PFKP: variants seen among roughly 807,000 people sequenced by gnomAD.
PFKP encodes the protein ATP-dependent 6-phosphofructokinase, platelet type.
A neutral mutation model predicts 94.3 loss-of-function variants in PFKP; 101 were observed. That is an observed-to-expected ratio of 1.07 (90% CI 0.91 to 1.26). PFKP has a LOEUF of 1.26. PFKP is among the 50% of genes most tolerant of loss of function. PFKP has a pLI of 0.00. For synonymous variants in PFKP, 573 were observed against 432.6 expected, an observed-to-expected ratio of 1.32 and a Z score of -4.03; for missense variants, 1,145 against 1,103.3, an observed-to-expected ratio of 1.04 and a Z score of -0.53.
At chr10:3,096,042 T>C (rs531066533) in intron 2 of PFKP, among the ~76,000 whole-genome samples, 78 of 152,048 alleles carry the variant, frequency 5.1e-4, no homozygotes, top group Non-Finnish European at 6.6e-4. Context: ...TTCAAAATGT[T>C]GTGGTTTGCA....
chr10:3,135,724 A>C lies in PFKP; in HGVS notation c.2123-12A>C, dbSNP rs1839190045. The C allele has an allele frequency of 6.4e-7, 1 of 1,556,478 alleles. No homozygotes were observed. On this transcript the variant is annotated splice_polypyrimidine_tract_variant and intron_variant, in intron 20 of 21. Transcript: ENST00000381125. ...ACAGGGTGTTATTAATCTTTTTTAA[A>C]ATCTTTTATAGGAAAAAAATTTACC...
At position 3,101,280 on chromosome 10, in the gene PFKP, C is replaced by T. The variant is rs774206842; in HGVS notation, c.265-85C>T. On this transcript the variant is annotated intron_variant, in intron 3 of 21. Transcript: ENST00000381125. ...TGAGAAAAATGTAAATTCTAGCACC[C>T]CATGTTTATAGTCGGCCTGTGTGTG... 306 of 1,097,380 alleles carry T rather than the reference C, an allele frequency of 2.8e-4. 4 individuals carry two copies. The highest frequency in any genetic ancestry group is 3.4e-5 in the Non-Finnish European group (26 of 764,618). The allele number at this position is 1,097,380 out of a possible 1,614,324, so 68.0% of individuals were successfully genotyped here. A position where few individuals can be genotyped will look rare whatever the true frequency, so the allele number is the denominator to read the frequency against.
At chr10:3,108,941 C>A in intron 9 of PFKP, 148 bp downstream of exon 9, 1 of 662,798 alleles carries the variant, frequency 1.5e-6, no homozygotes, top group African/African-American at 1.8e-5. Flanking sequence ...ATCCTTGAGA[C>A]CTTTGGTGTA....
intron 15 of PFKP, 127 bp downstream of exon 15, chr10:3,118,996 C>A: frequency 1.5e-6 from 1 of 666,744 alleles, no homozygotes; most frequent in Non-Finnish European, 2.6e-6. Context: ...CCAGCGGCCA[C>A]TGGAGAATTG....
intron 13 of PFKP, 124 bp from the exon 14 acceptor site, chr10:3,116,652 C>T (rs1290543418): frequency 1.9e-5 from 14 of 754,114 alleles, no homozygotes; most frequent in Non-Finnish European, 3.4e-5. Flanking sequence ...AATGCTGTCT[C>T]ATACGCCTCT....
rs552312218 is a variant in PFKP, at chr10:3,077,562, G to A, written c.113-4826G>A. On this transcript the variant is annotated intron_variant, in intron 1 of 21. Transcript: ENST00000381125. ...ATTACAGGCATGAGGCATCGTGCCT[G>A]GCCTATTCCTTACTTTTTAAAAAAA... 1.1e-4 allele frequency among the ~76,000 whole-genome samples: 16 copies of A among 150,822 alleles called. No homozygotes were observed. In the South Asian group the frequency reaches 1.7e-3, roughly 16 times the overall value.
chr10:3,113,040 A>T, intron 11 of PFKP, 79 bp from the exon 12 acceptor site: 1 of 1,290,624 alleles, frequency 7.7e-7, no homozygotes, highest in Non-Finnish European at 1.1e-6. Flanking sequence ...GCTGGCAGAT[A>T]AGCCACCTTT....
intron 11 of PFKP, among the ~76,000 whole-genome samples, chr10:3,112,653 G>A (rs1408662626): frequency 6.6e-6 from 1 of 152,192 alleles, no homozygotes. Flanking sequence ...TGCCTCCCAT[G>A]TTCAAGCAAT....
intron 16 of PFKP, among the ~76,000 whole-genome samples, chr10:3,123,038 CCT>C (rs1050964263): frequency 1.9e-4 from 29 of 152,182 alleles, no homozygotes; most frequent in African/African-American, 5.8e-4. Context: ...GCGTCCTCGT[CCT>C]CTCTCATGAT....
At chr10:3,098,075 A>G (rs553975618) in intron 2 of PFKP, among the ~76,000 whole-genome samples, 3 of 152,310 alleles carry the variant, frequency 2.0e-5, no homozygotes, top group African/African-American at 7.2e-5. Flanking sequence ...AAATATAAGT[A>G]TACAAATTGG....
intron 2 of PFKP, among the ~76,000 whole-genome samples, chr10:3,084,864 TC>T (rs1409119719): frequency 1.1e-5 from 1 of 93,680 alleles, no homozygotes; most frequent in African/African-American, 4.6e-5. Flanking sequence ...CCCAGCACGG[TC>T]CCCCACTCCA....
intron 13 of PFKP, among the ~76,000 whole-genome samples, chr10:3,115,414 G>GTCCTGCAGCTGA (rs1588512726): frequency 1.3e-5 from 1 of 77,528 alleles, no homozygotes; most frequent in Non-Finnish European, 3.4e-5. Flanking sequence ...GTGAAGGTGT[G>GTCCTGCAGCTGA]TGTCCCGCCA....
chr10:3,073,783 G>A (rs1588379460), intron 1 of PFKP, among the ~76,000 whole-genome samples: 1 of 152,152 alleles, frequency 6.6e-6, no homozygotes, highest in East Asian at 1.9e-4. Context: ...CTTTTCAGCT[G>A]TGTCTTACTA....
In PFKP at chr10:3,072,859, G is replaced by A. The variant is rs11812979; in HGVS notation, c.112+5152G>A. 7.2e-4 allele frequency among the ~76,000 whole-genome samples: 110 copies of A among 152,092 alleles called. 3 individuals carry two copies. The highest frequency in any genetic ancestry group is 2.5e-3 in the African/African-American group (102 of 41,474). On this transcript the variant is annotated intron_variant, in intron 1 of 21. Transcript: ENST00000381125. ...AGGACAAACATCAGGATACCAGATT[G>A]CACGTTCACAATGGCATTTCGGCTA...
rs762964952 is a variant in PFKP at position 3,119,928 on chromosome 10, GAGA to G, written c.1570_1572del (p.Lys524del). ...ACTCCTGGAGCTGTCAGCCGCCCGGGAGAAGCACGAGGAGTTCTGTGTCCCCAT... is the reference window on the plus strand; with the variant it reads ...ACTCCTGGAGCTGTCAGCCGCCCGGGAGCACGAGGAGTTCTGTGTCCCCAT... On this transcript the variant is annotated inframe_deletion, in exon 16 of 22. Coordinates refer to ENST00000381125, the MANE Select transcript of PFKP (RefSeq NM_002627.5). 30 of 1,614,172 alleles carry G rather than the reference GAGA, an allele frequency of 1.9e-5. No individual in the cohort carries two copies. The highest frequency in any genetic ancestry group is 2.2e-5 in the South Asian group (2 of 91,080).
intron 4 of PFKP, among the ~76,000 whole-genome samples, chr10:3,103,429 T>G (rs1441899495): frequency 6.6e-6 from 1 of 152,144 alleles, no homozygotes; most frequent in Non-Finnish European, 1.5e-5. Context: ...GAAGGACCAC[T>G]TGAGCCCAGG....
chr10:3,094,010 T>C (rs1266740950), intron 2 of PFKP, among the ~76,000 whole-genome samples: 1 of 152,230 alleles, frequency 6.6e-6, no homozygotes, highest in Non-Finnish European at 1.5e-5. Flanking sequence ...ATGTATGATC[T>C]GCCTTCATCC....
chr10:3,100,862 C>CAAAATAAAAAAAA (rs754923021), intron 3 of PFKP: 30,559 of 641,870 alleles, frequency 0.048, 539 homozygotes, highest in Middle Eastern at 0.058. Flanking sequence ...GTATGTGGTG[C>CAAAATAAAAAAAA]AAAAAAAAAA....
At chr10:3,100,914 C>G (rs1834937482) in intron 3 of PFKP, 2 of 1,429,968 alleles carry the variant, frequency 1.4e-6, no homozygotes, top group African/African-American at 3.0e-5. Context: ...GCTGGTTTTA[C>G]TTGCAGGTGC....
Sources: allele counts gnomAD v4.1 joint callset (sites outside exome capture counted in the v4.1 genomes callset), GRCh38; gene constraint gnomAD v4.1.1; transcripts MANE v1.5; gene names NCBI Gene and HGNC (gene_info 2026-07-23, HGNC 2026-07-21).